The following HERC4 variants were observed in gnomAD, a reference collection of about 807,000 sequenced individuals.
HERC4 encodes the protein probable E3 ubiquitin-protein ligase HERC4.
HERC4 carries 28 observed loss-of-function variants against 124.3 expected under a neutral mutation model. The observed-to-expected ratio is 0.23, with a 90% CI of 0.17 to 0.31. HERC4 has a LOEUF of 0.31. Ranked by LOEUF, HERC4 falls within the 10% of genes least tolerant of loss-of-function variation. HERC4 has a pLI of 1.00. For synonymous variants in HERC4, 407 were observed against 421.5 expected (o/e 0.97, Z 0.42); for missense variants, 713 against 1,229.3 (o/e 0.58, Z 6.28).
At chr10:67,965,553 A>T (rs1440295529) in intron 16 of HERC4, 1 of 152,246 alleles carries the variant, frequency 6.6e-6, no homozygotes, top group African/African-American at 2.4e-5. Flanking sequence ...GGGAAGGAAA[A>T]GATGTCTAGA....
chr10:68,007,047 C>T (rs1240810813), intron 9 of HERC4, among the ~76,000 whole-genome samples: 1 of 152,120 alleles, frequency 6.6e-6, no homozygotes, highest in Non-Finnish European at 1.5e-5. Flanking sequence ...ATTATTAGCT[C>T]TTTAAATAAA....
rs571994603 is a variant in HERC4, at chr10:67,931,666, C to T, written c.2838+931G>A. Among the ~76,000 whole-genome samples the T allele has an allele frequency of 9.8e-5, 15 of 152,288 alleles. 1 individual carries two copies. In the South Asian group the frequency reaches 3.1e-3, roughly 32 times the overall value. On this transcript the variant is annotated intron_variant, in intron 23 of 24. Coordinates refer to ENST00000373700, the MANE Select transcript of HERC4 (RefSeq NM_015601.4). Reference sequence around the variant, plus strand: ...CCTGGAACTCCTGACCTCAGGTGATCCGCCCACCTTGGCCTCCCAAAGTGC... The same window carrying T: ...CCTGGAACTCCTGACCTCAGGTGATTCGCCCACCTTGGCCTCCCAAAGTGC...
intron 15 of HERC4, among the ~76,000 whole-genome samples, chr10:67,982,461 T>C (rs1198815552): frequency 6.8e-6 from 1 of 146,408 alleles, no homozygotes; most frequent in East Asian, 1.9e-4. Flanking sequence ...TCTCTTACTA[T>C]ATATAAAAAT....
chr10:68,052,530 TATC>T (rs546906084), intron 3 of HERC4, among the ~76,000 whole-genome samples: 11 of 152,188 alleles, frequency 7.2e-5, no homozygotes, highest in Non-Finnish European at 1.2e-4. Context: ...TCTGCACAAA[TATC>T]ATTAAAAAAA....
At position 68,073,096 on chromosome 10, in the gene HERC4, C is replaced by T. The variant is rs897747490; in HGVS notation, c.13G>A (p.Gly5Arg). The part of the protein sequence containing the change: MLCW[G>R]NASFGQLGLG... ...CCTAGCTGCCCAAAGGATGCATTTC[C>T]CCAGCACAACATGCTTGTAATTATT... The change falls in exon 3 of 25, where the codon GGA (glycine) becomes AGA (arginine). Residue 5 changes from glycine to arginine, a missense_variant. By Grantham distance (125) the Gly-to-Arg change is moderately radical. Coordinates refer to ENST00000373700, the MANE Select transcript of HERC4 (RefSeq NM_015601.4). 2 of 1,612,920 alleles carry T rather than the reference C, an allele frequency of 1.2e-6. No homozygotes were observed.
intron 9 of HERC4, chr10:68,010,601 G>A (rs904858132): frequency 5.4e-6 from 7 of 1,297,194 alleles, no homozygotes; most frequent in South Asian, 2.5e-5. Flanking sequence ...AGGCCTGCAC[G>A]AGGGTTTCGG....
intron 15 of HERC4, among the ~76,000 whole-genome samples, chr10:67,982,248 T>C (rs973431348): frequency 6.6e-6 from 1 of 152,166 alleles, no homozygotes; most frequent in African/African-American, 2.4e-5. Context: ...AAGAGCATGG[T>C]ACTGGCATGA....
Position 68,073,186 on chromosome 10 carries a change from TC to T in HERC4, c.-78-1del. 9.4e-7 allele frequency: 1 copy of T among 1,064,032 alleles called. No homozygotes were observed. Among genetic ancestry groups the T allele is most frequent in the South Asian group, 1.5e-5 (1 of 67,576 alleles). 65.9% of individuals were successfully genotyped at this position (1,064,032 alleles called of 1,614,324 possible). On this transcript the variant is annotated splice_acceptor_variant, in intron 2 of 24. Coordinates refer to ENST00000373700, the MANE Select transcript of HERC4 (RefSeq NM_015601.4). LOFTEE classifies it low-confidence loss of function (5UTR_SPLICE). ...CCCGGAAAGTTGGAGGTACCCTATG[TC>T]TGAGGAAATAGAAAGAAGTTAATAT...
chr10:67,995,903 C>G (rs968250090), intron 9 of HERC4: 1 of 192,440 alleles, frequency 5.2e-6, no homozygotes, highest in Non-Finnish European at 1.1e-5. Context: ...ATTTTCCCCC[C>G]CTTATCTAAA....
At chr10:67,946,655 T>TCCCAAC (rs2132208334) in intron 19 of HERC4, among the ~76,000 whole-genome samples, 1 of 152,122 alleles carries the variant, frequency 6.6e-6, no homozygotes, top group South Asian at 2.1e-4. Flanking sequence ...ACACCTGTAA[T>TCCCAAC]CCCAACACTT....
chr10:68,002,720 T>A (rs2037303967), intron 9 of HERC4, among the ~76,000 whole-genome samples: 1 of 150,968 alleles, frequency 6.6e-6, no homozygotes, highest in Admixed American at 6.6e-5. Context: ...TGTCTCAGCC[T>A]CCTGAGTAGC....
At chr10:67,942,212 G>A in intron 19 of HERC4, among the ~76,000 whole-genome samples, 1 of 152,132 alleles carries the variant, frequency 6.6e-6, no homozygotes, top group East Asian at 1.9e-4. Flanking sequence ...TAGCCTCTGT[G>A]TTTTCAAAGA....
chr10:67,941,669 C>CT (rs755666986), intron 19 of HERC4, among the ~76,000 whole-genome samples: 10,670 of 91,552 alleles, frequency 0.12, 2,318 homozygotes, highest in East Asian at 0.26. Flanking sequence ...TAAAACACAA[C>CT]TTTTTTTTTT....
chr10:67,980,204 C>T (rs1418290827), intron 15 of HERC4, among the ~76,000 whole-genome samples: 10 of 152,116 alleles, frequency 6.6e-5, no homozygotes, highest in Admixed American at 6.5e-4. Flanking sequence ...CTTCGCCTTC[C>T]AGATAGTCAT....
intron 8 of HERC4, among the ~76,000 whole-genome samples, chr10:68,019,832 C>T (rs1057355849): frequency 1.2e-4 from 19 of 152,130 alleles, no homozygotes; most frequent in African/African-American, 4.6e-4. Flanking sequence ...GGAACTGGTG[C>T]CCTGATCAAT....
chr10:67,961,604 T>C (rs7902383), intron 16 of HERC4: 81,327 of 151,866 alleles, frequency 0.54, 23,470 homozygotes, highest in Non-Finnish European at 0.66. Context: ...TTATCAAACC[T>C]AAGGGTAGTT....
intron 3 of HERC4, among the ~76,000 whole-genome samples, chr10:68,062,722 T>C (rs975644530): frequency 2.0e-5 from 3 of 152,000 alleles, no homozygotes; most frequent in Non-Finnish European, 2.9e-5. Flanking sequence ...ATCGCACCAC[T>C]GCACTCCAGC....
intron 9 of HERC4, among the ~76,000 whole-genome samples, chr10:68,006,165 T>C (rs2037533849): frequency 1.3e-5 from 2 of 152,206 alleles, no homozygotes; most frequent in African/African-American, 4.8e-5. Flanking sequence ...TATTATTATC[T>C]TTGATCCGTT....
chr10:68,058,388 A>G (rs1486921661), intron 3 of HERC4, among the ~76,000 whole-genome samples: 2 of 152,204 alleles, frequency 1.3e-5, no homozygotes, highest in Non-Finnish European at 2.9e-5. Flanking sequence ...TCTGTATTGT[A>G]TATCTGGAGG....
Sources: gnomAD v4.1 joint callset for allele counts (sites outside exome capture counted in the v4.1 genomes callset) on GRCh38, gnomAD v4.1.1 for gene constraint, MANE v1.5 for transcripts, NCBI Gene and HGNC (gene_info 2026-07-23, HGNC 2026-07-21) for gene names.